Variants in MAX observed in about 807,000 individuals in gnomAD.
The protein encoded by MAX is MYC associated transcriptional regulator X.
A neutral mutation model predicts 22.3 loss-of-function variants in MAX; 3 were observed. The ratio of observed to expected loss-of-function variants is 0.13; its 90% confidence interval spans 0.06 to 0.35. MAX has a LOEUF of 0.35. MAX is among the 10% of genes least tolerant of loss of function. The pLI is 1.00. For synonymous variants in MAX, 72 were observed against 77.7 expected, an observed-to-expected ratio of 0.93 and a Z score of 0.39; for missense variants, 119 against 209.4, an observed-to-expected ratio of 0.57 and a Z score of 2.66.
rs1595053198 is a variant in MAX, at chr14:65,027,780, A to G, written c.172-21496T>C. On this transcript the variant is annotated intron_variant, in intron 3 of 3. Coordinates refer to the MAX transcript ENST00000341653. This position sits in a 1 kb window ranked among gnomAD's most constrained non-coding sequence, Gnocchi z 5.7. Reference sequence around the variant, plus strand: ...GCATGTCGGAGGTGAGGTGGATGTGAGGTGAGTGGGGTTTTGCACAGGCTG... The same window carrying G: ...GCATGTCGGAGGTGAGGTGGATGTGGGGTGAGTGGGGTTTTGCACAGGCTG... 6.2e-7 allele frequency: 1 copy of G among 1,614,034 alleles called. No individual in the cohort carries two copies. Among genetic ancestry groups the G allele is most frequent in the Non-Finnish European group, 8.5e-7 (1 of 1,180,012 alleles).
At chr14:65,102,228 C>T (rs2063869917) in intron 1 of MAX, 76 bp downstream of exon 1, 1 of 1,595,964 alleles carries the variant, frequency 6.3e-7, no homozygotes, top group Non-Finnish European at 8.5e-7. Context: ...CCCCTCCCGC[C>T]GTCGCCCCGC....
chr14:65,012,487 G>A lies in MAX; in HGVS notation c.172-6203C>T. ...AAAAGACTGTTGGGGCTGACCTGTTGCAGAGTCACTCTTTGTTCTCTGTGG... is the reference window on the plus strand; with the variant it reads ...AAAAGACTGTTGGGGCTGACCTGTTACAGAGTCACTCTTTGTTCTCTGTGG... On this transcript the variant is annotated intron_variant, in intron 3 of 3. Transcript: ENST00000341653. The surrounding 1 kb of genome is among the most constrained non-coding windows in gnomAD (Gnocchi z 5.0). The A allele has an allele frequency of 6.7e-7, 1 of 1,486,172 alleles. No homozygotes were observed. Among genetic ancestry groups the A allele is most frequent in the Middle Eastern group, 1.7e-4 (1 of 5,766 alleles). The allele number at this position is 1,486,172 out of a possible 1,614,324, so 92.1% of individuals were successfully genotyped here. A position where few individuals can be genotyped will look rare whatever the true frequency, so the allele number is the denominator to read the frequency against.
chr14:65,021,320 T>C (rs892544274), intron 3 of MAX, among the ~76,000 whole-genome samples: 6 of 152,244 alleles, frequency 3.9e-5, no homozygotes, highest in African/African-American at 1.4e-4. Flanking sequence ...TTTCAGCTTG[T>C]AAGATTTTTC....
At position 65,093,585 on chromosome 14, in the gene MAX, G is replaced by A. The variant is rs1470604661; in HGVS notation, c.171+123C>T. On this transcript the variant is annotated intron_variant, in intron 3 of 4. Coordinates refer to ENST00000358664, the MANE Select transcript of MAX (RefSeq NM_002382.5). The surrounding 1 kb of genome is among the most constrained non-coding windows in gnomAD (Gnocchi z 4.4). The stretch of plus-strand genomic sequence containing the variant: ...GATCCTCCAAACAGTCAAAAATAAG[G>A]CAACCATGCTACCTGAATATCTCTG... The A allele has an allele frequency of 1.1e-5, 8 of 715,744 alleles. No individual in the cohort carries two copies. Among genetic ancestry groups the A allele is most frequent in the Admixed American group, 2.0e-5 (1 of 50,370 alleles). The allele number at this position is 715,744 out of a possible 1,614,324, so 44.3% of individuals were successfully genotyped here. A position where few individuals can be genotyped will look rare whatever the true frequency, so the allele number is the denominator to read the frequency against.
chr14:65,071,299 G>A (rs748527769), downstream of MAX, among the ~76,000 whole-genome samples: 17 of 152,016 alleles, frequency 1.1e-4, no homozygotes, highest in Admixed American at 2.6e-4. The surrounding 1 kb of genome is among the most constrained non-coding windows in gnomAD (Gnocchi z 4.2). Flanking sequence ...GCAACACTAT[G>A]CTCGGCTAAT....
chr14:65,077,982 T>A lies in MAX; in HGVS notation c.226A>T (p.Arg76Trp), dbSNP rs2063104682. The change falls in exon 4 of 5, where the codon AGG becomes TGG. Residue 76 changes from arginine (R) to tryptophan (W), a missense_variant. Transcript: ENST00000358664. This position sits in a 1 kb window ranked among gnomAD's most constrained non-coding sequence, Gnocchi z 6.3. Reference protein sequence around the residue: ...KATEYIQYMRRKNHTHQQDID... With the variant: ...KATEYIQYMRWKNHTHQQDID... ...TCTTGCTGGTGTGTGTGGTTTTTCC[T>A]TCGCATATACTGGATATATTCTGTG... 6.2e-7 allele frequency: 1 copy of A among 1,614,090 alleles called. No homozygotes were observed. The highest frequency in any genetic ancestry group is 8.5e-7 in the Non-Finnish European group (1 of 1,180,040).
chr14:65,053,255 A>G lies in MAX; in HGVS notation c.171+40453T>C, dbSNP rs777774182. 2.0e-5 allele frequency: 29 copies of G among 1,425,170 alleles called. No homozygotes were observed. The East Asian group carries it at 3.5e-4, about 17-fold the overall frequency. The allele number at this position is 1,425,170 out of a possible 1,614,324, so 88.3% of individuals were successfully genotyped here. ...TTCAACAGGTGACCCTGCCCTTAGC[A>G]TGAGCCACTGGATGTTCCATCAGCA... On this transcript the variant is annotated intron_variant, in intron 3 of 3. Coordinates refer to the MAX transcript ENST00000341653.
chr14:65,049,789 A>C (rs537734354), intron 3 of MAX, among the ~76,000 whole-genome samples: 1 of 152,166 alleles, frequency 6.6e-6, no homozygotes, highest in Non-Finnish European at 1.5e-5. Flanking sequence ...GCTTTTTTAA[A>C]TAATAGCTTT....
Position 65,102,426 on chromosome 14 carries a change from C to A in MAX, c.-87G>T, listed in dbSNP as rs2139979732. ...GGGGGAAGTCACCGACAACAACAAG[C>A]CGAGTCCCCCCCACACACACACTCA... On this transcript the variant is annotated 5_prime_UTR_variant, in exon 1 of 5. Coordinates refer to ENST00000358664, the MANE Select transcript of MAX (RefSeq NM_002382.5). 6.4e-7 allele frequency: 1 copy of A among 1,560,172 alleles called. No individual in the cohort carries two copies. Among genetic ancestry groups the A allele is most frequent in the Non-Finnish European group, 8.7e-7 (1 of 1,154,996 alleles).
intron 3 of MAX, among the ~76,000 whole-genome samples, chr14:65,087,775 G>A (rs912248550): frequency 6.6e-6 from 1 of 152,166 alleles, no homozygotes; most frequent in East Asian, 1.9e-4. Context: ...GACAAGGCAC[G>A]ATTGGTTTTG....
Position 65,011,450 on chromosome 14 carries a change from AAAGACTGCATG to A in MAX, c.172-5177_172-5167del, listed in dbSNP as rs2061682232. Among the ~76,000 whole-genome samples the A allele has an allele frequency of 6.6e-6, 1 of 151,892 alleles. No homozygotes were observed. The highest frequency in any genetic ancestry group is 6.6e-5 in the Admixed American group (1 of 15,250). ...TCTCAGGAAAAAAAAAAAAAAAAAA[AAAGACTGCATG>A]AAGGCTCTTACTCTGAGCCAAGTAC... On this transcript the variant is annotated intron_variant, in intron 3 of 3. Coordinates refer to the MAX transcript ENST00000341653. This position sits in a 1 kb window ranked among gnomAD's most constrained non-coding sequence, Gnocchi z 4.0.
chr14:65,073,362 G>A (rs1245632198), downstream of MAX, among the ~76,000 whole-genome samples: 1 of 152,202 alleles, frequency 6.6e-6, no homozygotes, highest in Non-Finnish European at 1.5e-5. Flanking sequence ...TTTTAAACCT[G>A]TCTCAGCTAA....
intron 3 of MAX, among the ~76,000 whole-genome samples, chr14:65,017,736 A>G (rs11627757): frequency 0.25 from 38,006 of 152,028 alleles, 4,931 homozygotes; most frequent in Non-Finnish European, 0.3. Flanking sequence ...TGGGTGGATC[A>G]CTTGAGGTCA....
rs551299430 is a variant in MAX, at chr14:65,010,783, C to T, written c.172-4499G>A. Among the ~76,000 whole-genome samples the T allele has an allele frequency of 2.6e-5, 4 of 152,264 alleles. No individual in the cohort carries two copies. The East Asian group carries it at 5.8e-4, about 22-fold the overall frequency. ...TTTGTTTTTAAACTGGGGCAGTACTCCTGCTTTCCTCCCATTCCTCTTTCA... is the reference window on the plus strand; with the variant it reads ...TTTGTTTTTAAACTGGGGCAGTACTTCTGCTTTCCTCCCATTCCTCTTTCA... On this transcript the variant is annotated intron_variant, in intron 3 of 3. Coordinates refer to the MAX transcript ENST00000341653.
At chr14:65,040,894 G>A (rs749947758) in intron 3 of MAX, 9 of 1,613,808 alleles carry the variant, frequency 5.6e-6, no homozygotes, top group Middle Eastern at 3.3e-4. Context: ...AAGAGGGAAC[G>A]TTCCTTGAAC....
Position 65,067,795 on chromosome 14 carries a change from T to A in MAX, c.171+25913A>T, listed in dbSNP as rs1282518086. Among the ~76,000 whole-genome samples, 3 of 123,006 alleles carry A rather than the reference T, an allele frequency of 2.4e-5. No individual in the cohort carries two copies. In the East Asian group the frequency reaches 6.1e-4, roughly 25 times the overall value. The allele number at this position is 123,006 out of a possible 152,430, so 80.7% of individuals were successfully genotyped here. On this transcript the variant is annotated intron_variant, in intron 3 of 3. Transcript: ENST00000341653. ...CACCACCATGTGCAGCTAATTACAT[T>A]TTTTTTTTTTTTTTTTTGGTAGAGG... is the stretch of plus-strand genomic sequence containing the variant.
chr14:65,100,042 G>C lies in MAX; in HGVS notation c.63+1504C>G, dbSNP rs185150156. Among the ~76,000 whole-genome samples, 17 of 152,314 alleles carry C rather than the reference G, an allele frequency of 1.1e-4. No individual in the cohort carries two copies. The East Asian group carries it at 2.9e-3, about 26-fold the overall frequency. On this transcript the variant is annotated intron_variant, in intron 2 of 4. Coordinates refer to ENST00000358664, the MANE Select transcript of MAX (RefSeq NM_002382.5). ...CTGTGGTTATCAAGTTCTTATACCA[G>C]AGGTATCAAAGTGACATCCTGCAAA...
intron 3 of MAX, among the ~76,000 whole-genome samples, chr14:65,051,610 CAAAAAAGAAAAA>C (rs1485507886): frequency 6.9e-6 from 1 of 145,244 alleles, no homozygotes; most frequent in African/African-American, 2.5e-5. Context: ...GACTCTGTCT[CAAAAAAGAAAAA>C]AAAAAAGGAA....
At chr14:65,021,863 CT>C (rs2061892816) in intron 3 of MAX, 2 of 448,158 alleles carry the variant, frequency 4.5e-6, no homozygotes, top group Non-Finnish European at 9.0e-6. Flanking sequence ...CCAGGCTGGT[CT>C]CAAACTCCTG....
Sources: gnomAD v4.1 joint callset for allele counts (sites outside exome capture counted in the v4.1 genomes callset) on GRCh38, gnomAD v4.1.1 for gene constraint, Gnocchi (gnomAD v3.1) non-coding constraint, MANE v1.5 for transcripts, NCBI Gene and HGNC (gene_info 2026-07-23, HGNC 2026-07-21) for gene names.